RBM39: variants seen among roughly 807,000 people sequenced by gnomAD.
RBM39 encodes RNA binding motif protein 39, also known as RNA-binding protein 39.
Under a neutral mutation model 79.6 loss-of-function variants are expected in RBM39, and 12 were observed. That is an observed-to-expected ratio of 0.15 (90% CI 0.10 to 0.24). The LOEUF is 0.24. Among genes scored for constraint, RBM39 ranks in the 10% least tolerant of loss-of-function variants. The pLI, the probability that RBM39 is intolerant of heterozygous loss-of-function variation, is 1.00. For synonymous variants in RBM39, 185 were observed against 208.4 expected (o/e 0.89, Z 0.97); for missense variants, 243 against 653.4 (o/e 0.37, Z 6.85).
At chr20:35,709,366 C>T (rs2146501008) in intron 12 of RBM39, 92 bp from the exon 13 acceptor site, 1 of 1,054,658 alleles carries the variant, frequency 9.5e-7, no homozygotes. Context: ...TAGCAGGGTT[C>T]ATTCAAATGC....
chr20:35,706,543 A>G (rs1466721624), intron 14 of RBM39, among the ~76,000 whole-genome samples: 12 of 149,670 alleles, frequency 8.0e-5, no homozygotes, highest in Admixed American at 6.7e-5. Context: ...TGGATGTACT[A>G]TATTATAAAT....
At chr20:35,725,012 G>T in intron 7 of RBM39, 26 bp downstream of exon 7, 2 of 1,458,062 alleles carry the variant, frequency 1.4e-6, no homozygotes, top group South Asian at 2.4e-5. Flanking sequence ...CTACCTACTT[G>T]ACCTCCCTAA....
intron 11 of RBM39, 103 bp downstream of exon 11, chr20:35,714,082 A>G (rs2036811171): frequency 1.7e-6 from 2 of 1,200,276 alleles, no homozygotes; most frequent in South Asian, 1.4e-5. Context: ...CGCCAACTAC[A>G]AAATAAGATA....
At chr20:35,712,544 C>T (rs1249486149) in intron 12 of RBM39, among the ~76,000 whole-genome samples, 3 of 151,682 alleles carry the variant, frequency 2.0e-5, no homozygotes, top group Non-Finnish European at 4.4e-5. Flanking sequence ...CGTCAATTCA[C>T]CCTTCTTTTC....
chr20:35,737,074 T>C (rs1295471518), intron 3 of RBM39, among the ~76,000 whole-genome samples: 2 of 150,160 alleles, frequency 1.3e-5, no homozygotes, highest in Non-Finnish European at 1.5e-5. Flanking sequence ...CTGGCCAACA[T>C]CGTGAAACCC....
At chr20:35,719,296 T>A (rs1451155469) in intron 9 of RBM39, among the ~76,000 whole-genome samples, 1 of 151,406 alleles carries the variant, frequency 6.6e-6, no homozygotes, top group Non-Finnish European at 1.5e-5. Flanking sequence ...CCCCCAAAAG[T>A]GCAGGGATCA....
chr20:35,704,751 AG>A lies in RBM39; in HGVS notation c.1414-6del. Reference sequence around the variant, plus strand: ...GCACTTCACATACACATTGCCCTACAGAAAAAATGAAAAAAAAGGTAAAGAT... The same window carrying A: ...GCACTTCACATACACATTGCCCTACAAAAAAATGAAAAAAAAGGTAAAGAT... On this transcript the variant is annotated splice_polypyrimidine_tract_variant and splice_region_variant and intron_variant, in intron 15 of 16. Coordinates refer to ENST00000253363, the MANE Select transcript of RBM39 (RefSeq NM_184234.3). 6.2e-7 allele frequency: 1 copy of A among 1,610,862 alleles called. No individual in the cohort carries two copies. Among genetic ancestry groups the A allele is most frequent in the Non-Finnish European group, 8.5e-7 (1 of 1,179,010 alleles).
At chr20:35,724,955 TA>T in intron 7 of RBM39, 82 bp downstream of exon 7, 1 of 1,090,696 alleles carries the variant, frequency 9.2e-7, no homozygotes. Context: ...ATACTGCTAC[TA>T]AATCAAATGA....
intron 12 of RBM39, among the ~76,000 whole-genome samples, chr20:35,711,599 A>T (rs183418343): frequency 1.2e-3 from 177 of 152,368 alleles, no homozygotes; most frequent in African/African-American, 3.1e-3. Context: ...TACAATTTAT[A>T]GAAAGGAAAT....
chr20:35,728,408 A>T (rs965091657), intron 6 of RBM39, among the ~76,000 whole-genome samples: 1 of 152,250 alleles, frequency 6.6e-6, no homozygotes, highest in Non-Finnish European at 1.5e-5. Flanking sequence ...ACCCATATAC[A>T]TAATCATTAC....
intron 9 of RBM39, among the ~76,000 whole-genome samples, chr20:35,717,078 G>A: frequency 6.6e-6 from 1 of 152,086 alleles, no homozygotes; most frequent in Admixed American, 6.6e-5. Context: ...TCAGGAGTTT[G>A]GGACCAGCCT....
At chr20:35,734,959 A>C in intron 3 of RBM39, 1 of 1,606,040 alleles carries the variant, frequency 6.2e-7, no homozygotes, top group Non-Finnish European at 8.5e-7. Context: ...ACTGAAGTAA[A>C]TGGTCCACTG....
intron 8 of RBM39, among the ~76,000 whole-genome samples, chr20:35,723,264 A>G (rs1190374301): frequency 1.3e-5 from 2 of 151,624 alleles, no homozygotes; most frequent in Admixed American, 1.3e-4. Context: ...GTCCATTTGC[A>G]TTCTAACACA....
Position 35,723,144 on chromosome 20 carries a change from A to C in RBM39, c.688-1267T>G, listed in dbSNP as rs1246121181. On this transcript the variant is annotated intron_variant, in intron 8 of 16. Coordinates refer to ENST00000253363, the MANE Select transcript of RBM39 (RefSeq NM_184234.3). ...ACCGAACGTAGTTGTTTGTGATAAA[A>C]TAAGGTGTATATGCCATAACATAAA... is the stretch of plus-strand genomic sequence containing the variant. Among the ~76,000 whole-genome samples, 4 of 152,088 alleles carry C rather than the reference A, an allele frequency of 2.6e-5. No individual in the cohort carries two copies. In the South Asian group the frequency reaches 8.3e-4, roughly 31 times the overall value.
At chr20:35,734,636 A>AAAG (rs2039717223) in intron 3 of RBM39, 1 of 370,254 alleles carries the variant, frequency 2.7e-6, no homozygotes, top group South Asian at 7.0e-5. Context: ...ACACTTGAAA[A>AAAG]TTGGAGAGCT....
At chr20:35,711,404 T>C (rs927589402) in intron 12 of RBM39, among the ~76,000 whole-genome samples, 7 of 152,204 alleles carry the variant, frequency 4.6e-5, no homozygotes, top group African/African-American at 9.7e-5. Flanking sequence ...AAGGATCGAA[T>C]AGCTAACACT....
intron 9 of RBM39, among the ~76,000 whole-genome samples, chr20:35,719,195 C>A (rs1381134052): frequency 6.6e-6 from 1 of 152,036 alleles, no homozygotes; most frequent in Non-Finnish European, 1.5e-5. Context: ...CCAAGACCGG[C>A]TAATTTTTAT....
chr20:35,705,394 G>A, intron 14 of RBM39, 64 bp from the exon 15 acceptor site: 2 of 912,230 alleles, frequency 2.2e-6, no homozygotes, highest in South Asian at 1.6e-5. Context: ...ATTTACAAAT[G>A]TATCAAAAAA....
chr20:35,715,803 A>G (rs1569008859), intron 10 of RBM39, among the ~76,000 whole-genome samples: 3 of 152,188 alleles, frequency 2.0e-5, no homozygotes, highest in Admixed American at 6.5e-5. Context: ...CAGATCCCTC[A>G]TGAATGGCTT....
Sources: allele counts gnomAD v4.1 joint callset (sites outside exome capture counted in the v4.1 genomes callset), GRCh38; gene constraint gnomAD v4.1.1; transcripts MANE v1.5; gene names NCBI Gene and HGNC (gene_info 2026-07-23, HGNC 2026-07-21).